The following NUP210L variants were observed in gnomAD, a reference collection of about 807,000 sequenced individuals.
NUP210L encodes nuclear pore membrane glycoprotein 210-like.
NUP210L carries 74 observed loss-of-function variants against 208.5 expected under a neutral mutation model. That is an observed-to-expected ratio of 0.35 (90% CI 0.29 to 0.43). The LOEUF (loss-of-function observed/expected upper bound fraction) is 0.43. Ranked by LOEUF, NUP210L falls within the 20% of genes least tolerant of loss-of-function variation. NUP210L has a pLI of 1.00. For synonymous variants in NUP210L, 780 were observed against 816.9 expected, an observed-to-expected ratio of 0.95 and a Z score of 0.77; for missense variants, 1,843 against 2,289.4, an observed-to-expected ratio of 0.81 and a Z score of 3.98.
intron 37 of NUP210L, among the ~76,000 whole-genome samples, 161 bp downstream of exon 37, chr1:154,000,695 C>T (rs11264824): frequency 0.15 from 22,464 of 152,186 alleles, 2,041 homozygotes; most frequent in East Asian, 0.49. Flanking sequence ...GAACAGTGCA[C>T]AATTTAAACT....
intron 16 of NUP210L, among the ~76,000 whole-genome samples, chr1:154,076,997 A>C (rs978067205): frequency 6.6e-6 from 1 of 152,202 alleles, no homozygotes; most frequent in Admixed American, 6.5e-5. Context: ...TTCACCCCTC[A>C]TAAGGGATCT....
intron 4 of NUP210L, among the ~76,000 whole-genome samples, chr1:154,141,048 T>C (rs2148144324): frequency 6.6e-6 from 1 of 150,482 alleles, no homozygotes; most frequent in South Asian, 2.1e-4. Context: ...GCTAAAATTG[T>C]GGTGGGAGTA....
chr1:154,014,516 C>A (rs1023501589), intron 33 of NUP210L, among the ~76,000 whole-genome samples: 2 of 152,120 alleles, frequency 1.3e-5, no homozygotes, highest in African/African-American at 4.8e-5. Flanking sequence ...CAAATTTTCC[C>A]TCTCTACCCT....
chr1:154,123,946 G>A (rs1391610592), intron 10 of NUP210L, among the ~76,000 whole-genome samples: 5 of 151,590 alleles, frequency 3.3e-5, no homozygotes, highest in Non-Finnish European at 7.4e-5. Context: ...CACTTTGGGA[G>A]TCCAAGGTGG....
chr1:154,089,247 T>C (rs1220137634), intron 16 of NUP210L, among the ~76,000 whole-genome samples, 174 bp downstream of exon 16: 1 of 152,150 alleles, frequency 6.6e-6, no homozygotes, highest in Non-Finnish European at 1.5e-5. Flanking sequence ...GAATGTAAAA[T>C]GGTACAGCTG....
chr1:154,142,757 C>A (rs185756952), intron 3 of NUP210L, among the ~76,000 whole-genome samples: 1 of 152,070 alleles, frequency 6.6e-6, no homozygotes, highest in Non-Finnish European at 1.5e-5. Flanking sequence ...GGTGTGGTGG[C>A]GCGTGCCTGT....
At chr1:154,007,253 C>T (rs541990534) in intron 35 of NUP210L, among the ~76,000 whole-genome samples, 25 of 133,554 alleles carry the variant, frequency 1.9e-4, no homozygotes, top group African/African-American at 5.2e-4. Flanking sequence ...TTAGCTACTG[C>T]GCCGGGCTTA....
chr1:154,006,966 A>ATATTTTTT (rs1211789619), intron 35 of NUP210L, among the ~76,000 whole-genome samples: 54 of 115,782 alleles, frequency 4.7e-4, no homozygotes, highest in African/African-American at 1.8e-3. Flanking sequence ...ATATATATAT[A>ATATTTTTT]TTTTTTTTTT....
At chr1:154,099,494 T>C (rs1266154105) in intron 14 of NUP210L, among the ~76,000 whole-genome samples, 1 of 152,214 alleles carries the variant, frequency 6.6e-6, no homozygotes, top group African/African-American at 2.4e-5. Flanking sequence ...GTCTCCATTA[T>C]AATGAACCAG....
chr1:154,143,467 C>A (rs1658954769), exon 3 of NUP210L: 10 of 1,613,798 alleles, frequency 6.2e-6, no homozygotes, highest in Non-Finnish European at 8.5e-6. Context: ...AATGCCCTCA[C>A]CATCAGTTCC....
At chr1:154,005,223 A>AT (rs1431233893) in intron 35 of NUP210L, among the ~76,000 whole-genome samples, 1 of 150,218 alleles carries the variant, frequency 6.7e-6, no homozygotes, top group African/African-American at 2.5e-5. Flanking sequence ...TTATTTATTT[A>AT]TTTATTTATT....
At chr1:154,065,246 C>A (rs1329594773) in intron 17 of NUP210L, among the ~76,000 whole-genome samples, 1 of 151,180 alleles carries the variant, frequency 6.6e-6, no homozygotes, top group Non-Finnish European at 1.5e-5. Flanking sequence ...ATAGTGAGAA[C>A]CTGTCTCTAC....
intron 7 of NUP210L, among the ~76,000 whole-genome samples, chr1:154,134,176 T>C (rs894176215): frequency 6.6e-6 from 1 of 150,958 alleles, no homozygotes; most frequent in African/African-American, 2.4e-5. Flanking sequence ...ATAATAATAA[T>C]AATATTTTAA....
chr1:154,005,133 G>C (rs1190454660), intron 35 of NUP210L, among the ~76,000 whole-genome samples: 1 of 152,024 alleles, frequency 6.6e-6, no homozygotes, highest in Non-Finnish European at 1.5e-5. Context: ...TTACAGGCAT[G>C]AGCCACCGTG....
intron 37 of NUP210L, among the ~76,000 whole-genome samples, chr1:154,000,149 A>G (rs1382061720): frequency 1.3e-5 from 2 of 152,192 alleles, no homozygotes; most frequent in African/African-American, 2.4e-5. Context: ...ATTCTTAAAT[A>G]TATAAGTTAA....
At chr1:154,031,750 G>A (rs1377115246) in intron 27 of NUP210L, among the ~76,000 whole-genome samples, 4 of 144,004 alleles carry the variant, frequency 2.8e-5, no homozygotes, top group African/African-American at 1.0e-4. Context: ...ACAGGGTTTC[G>A]TTCTGTTGCC....
exon 36 of NUP210L, chr1:154,001,777 C>A (rs769156797): frequency 3.7e-6 from 6 of 1,614,142 alleles, no homozygotes; most frequent in South Asian, 2.2e-5. Context: ...GTACTCTTAT[C>A]TCCCCGATAT....
intron 3 of NUP210L, 127 bp from the exon 4 acceptor site, chr1:154,141,651 C>A (rs1267264562): frequency 1.6e-6 from 1 of 626,342 alleles, no homozygotes; most frequent in Non-Finnish European, 2.9e-6. Flanking sequence ...AAATAGAAAG[C>A]ACTATCATTA....
intron 6 of NUP210L, among the ~76,000 whole-genome samples, chr1:154,137,295 G>GT (rs555648166): frequency 6.6e-4 from 101 of 152,276 alleles, no homozygotes; most frequent in African/African-American, 2.3e-3. Flanking sequence ...GCTCACGCCT[G>GT]TAATCCCAGC....
Sources: allele counts gnomAD v4.1 joint callset (sites outside exome capture counted in the v4.1 genomes callset), GRCh38; gene constraint gnomAD v4.1.1; transcripts MANE v1.5; gene names NCBI Gene and HGNC (gene_info 2026-07-23, HGNC 2026-07-21).